ARHGEF2: variants seen among roughly 807,000 people sequenced by gnomAD.
ARHGEF2 encodes the protein rho guanine nucleotide exchange factor 2.
A neutral mutation model predicts 121.0 loss-of-function variants in ARHGEF2; 22 were observed. That is an observed-to-expected ratio of 0.18 (90% confidence interval 0.13 to 0.26). ARHGEF2 has a LOEUF of 0.26. Ranked by LOEUF, ARHGEF2 falls within the 10% of genes least tolerant of loss-of-function variation. The pLI, the probability that ARHGEF2 is intolerant of heterozygous loss-of-function variation, is 1.00. For missense variants in ARHGEF2, 907 were observed against 1,336.0 expected (o/e 0.68, Z 5.01); for synonymous variants, 487 against 530.0 (o/e 0.92, Z 1.11).
rs771445403 is a variant in ARHGEF2, at chr1:155,951,389, T to C, written c.2259+94A>G. The C allele has an allele frequency of 9.4e-6, 15 of 1,587,874 alleles. No homozygotes were observed. The highest frequency in any genetic ancestry group is 1.3e-5 in the Non-Finnish European group (15 of 1,158,764). On this transcript the variant is annotated intron_variant, in intron 19 of 21. Transcript: ENST00000361247. This position sits in a 1 kb window ranked among gnomAD's most constrained non-coding sequence, Gnocchi z 5.1. Reference sequence around the variant, plus strand: ...TGGAGAGCTTGGATTGGGAGGGTATTTAGAAAGGCCTGTTGGGATGACCAT... The same window carrying C: ...TGGAGAGCTTGGATTGGGAGGGTATCTAGAAAGGCCTGTTGGGATGACCAT...
intron 1 of ARHGEF2, chr1:155,969,637 A>T: frequency 8.7e-7 from 1 of 1,149,092 alleles, no homozygotes; most frequent in Non-Finnish European, 1.1e-6. Context: ...CTCACCCCCG[A>T]GCTGCTGTAC....
Position 155,951,212 on chromosome 1 carries a change from G to T in ARHGEF2, c.2320C>A (p.Arg774=). ...GAGTTGGCTCGGCACAGCTTCTCCC[G>T]CCGCTCAGGGCCCTCAGGGAACCGG... The part of the protein sequence containing the change: ...EARFPEGPER[R]EKLCRANSRD... Residue 774 remains arginine (R), a synonymous_variant, in exon 20 of 22, where the codon CGG becomes AGG. Coordinates refer to ENST00000361247, the MANE Select transcript of ARHGEF2 (RefSeq NM_001162383.2). The surrounding 1 kb of genome is among the most constrained non-coding windows in gnomAD (Gnocchi z 5.1). 6.2e-7 allele frequency: 1 copy of T among 1,611,030 alleles called. No individual in the cohort carries two copies.
In ARHGEF2 at chr1:155,952,794, C is replaced by T. The variant is rs776469326; in HGVS notation, c.1818G>A (p.Glu606=). ...ACAGCCCGACCTTCTCTCGCAGCAG[C>T]TCCACCAGTGCCCGGTCCTTCTGCT... ...ELQQKDRALV[E]LLREKVGLFA... Residue 606 remains glutamate, a synonymous_variant, in exon 15 of 22, where the codon GAG becomes GAA. Coordinates refer to ENST00000361247, the MANE Select transcript of ARHGEF2 (RefSeq NM_001162383.2). The T allele has an allele frequency of 6.2e-7, 1 of 1,614,212 alleles. No homozygotes were observed. Among genetic ancestry groups the T allele is most frequent in the East Asian group, 2.2e-5 (1 of 44,886 alleles).
chr1:155,966,722 G>A (rs1679454585), intron 3 of ARHGEF2, 98 bp downstream of exon 3: 8 of 1,338,352 alleles, frequency 6.0e-6, no homozygotes, highest in Non-Finnish European at 8.6e-6. Flanking sequence ...GGAGGTGGGT[G>A]GTGAGAAACA....
chr1:155,972,913 A>G (rs993315327), intron 1 of ARHGEF2, among the ~76,000 whole-genome samples: 2 of 151,912 alleles, frequency 1.3e-5, no homozygotes, highest in African/African-American at 2.4e-5. Context: ...TATGTTGCCC[A>G]GGCTGGTCTC....
chr1:155,955,046 C>T (rs2102641924), intron 13 of ARHGEF2, 77 bp from the exon 14 acceptor site: 5 of 1,224,172 alleles, frequency 4.1e-6, no homozygotes, highest in Non-Finnish European at 5.9e-6. Flanking sequence ...CCCTCCTTCC[C>T]AAACATGCCT....
Position 155,961,601 on chromosome 1 carries a change from G to A in ARHGEF2, c.1468+60C>T. 1 of 1,571,156 alleles carries A rather than the reference G, an allele frequency of 6.4e-7. No homozygotes were observed. The highest frequency in any genetic ancestry group is 1.1e-5 in the South Asian group (1 of 87,322). On this transcript the variant is annotated intron_variant, in intron 11 of 21. Coordinates refer to ENST00000361247, the MANE Select transcript of ARHGEF2 (RefSeq NM_001162383.2). This position sits in a 1 kb window ranked among gnomAD's most constrained non-coding sequence, Gnocchi z 4.7. Reference sequence around the variant, plus strand: ...AGAGAGGTTGATTCTAAGACCTGCAGGCATCTCCCACTCTCCATCTGACTT... The same window carrying A: ...AGAGAGGTTGATTCTAAGACCTGCAAGCATCTCCCACTCTCCATCTGACTT...
intron 13 of ARHGEF2, among the ~76,000 whole-genome samples, chr1:155,956,051 A>T (rs1676601153): frequency 6.6e-6 from 1 of 152,056 alleles, no homozygotes; most frequent in South Asian, 2.1e-4. Flanking sequence ...GCCACTACAG[A>T]TCTGTCAACA....
Position 155,950,678 on chromosome 1 carries a change from T to C in ARHGEF2, c.2703+151A>G. ...CCTCCACCCCTGCACCCATCTACAT[T>C]TCTTTTCAGTTCTCCAACCAGTATC... On this transcript the variant is annotated intron_variant, in intron 20 of 21. Coordinates refer to ENST00000361247, the MANE Select transcript of ARHGEF2 (RefSeq NM_001162383.2). The surrounding 1 kb of genome is among the most constrained non-coding windows in gnomAD (Gnocchi z 5.2). 3.0e-6 allele frequency: 3 copies of C among 1,004,172 alleles called. No individual in the cohort carries two copies. The highest frequency in any genetic ancestry group is 4.4e-6 in the Non-Finnish European group (3 of 680,340). 62.2% of individuals were successfully genotyped at this position (1,004,172 alleles called of 1,614,324 possible).
intron 11 of ARHGEF2, among the ~76,000 whole-genome samples, chr1:155,958,709 G>A (rs1677211396): frequency 1.3e-5 from 2 of 151,560 alleles, no homozygotes; most frequent in Non-Finnish European, 2.9e-5. Flanking sequence ...CCAAGGAGCT[G>A]GGACTACTAC....
intron 1 of ARHGEF2, among the ~76,000 whole-genome samples, chr1:155,975,132 T>G (rs991457099): frequency 6.6e-6 from 1 of 152,162 alleles, no homozygotes; most frequent in African/African-American, 2.4e-5. Flanking sequence ...AAGCTAAGGA[T>G]GAAGCTACTT....
chr1:155,964,883 A>G, intron 7 of ARHGEF2, 105 bp downstream of exon 7: 1 of 1,262,534 alleles, frequency 7.9e-7, no homozygotes. Context: ...AGAGAGTGAG[A>G]CTCCATCTCA....
At position 155,957,704 on chromosome 1, in the gene ARHGEF2, G is replaced by C; in HGVS notation, c.1715+9C>G. 1 of 1,605,392 alleles carries C rather than the reference G, an allele frequency of 6.2e-7. No individual in the cohort carries two copies. Among genetic ancestry groups the C allele is most frequent in the East Asian group, 2.2e-5 (1 of 44,682 alleles). ...CATAAGCACATGCAGGCGGCAGGCA[G>C]ACACTCACGTGCGCACGCTCTGCTG... is the stretch of plus-strand genomic sequence containing the variant. On this transcript the variant is annotated intron_variant, in intron 13 of 21. Transcript: ENST00000361247.
chr1:155,947,749 G>A lies in ARHGEF2; in HGVS notation c.*193C>T, dbSNP rs1383786273. On this transcript the variant is annotated 3_prime_UTR_variant, in exon 22 of 22. Transcript: ENST00000361247. ...GGCATCTGTGGTGTAGCTTTCGGAT[G>A]TCCCAGGGGGTGTTGTGGCCTAATT... 5 of 546,146 alleles carry A rather than the reference G, an allele frequency of 9.2e-6. No individual in the cohort carries two copies. In the Admixed American group the frequency reaches 1.7e-4, roughly 18 times the overall value. 33.8% of individuals were successfully genotyped at this position (546,146 alleles called of 1,614,324 possible).
Position 155,962,255 on chromosome 1 carries a change from G to A in ARHGEF2, c.1102-33C>T. 6.3e-7 allele frequency: 1 copy of A among 1,599,908 alleles called. No individual in the cohort carries two copies. The highest frequency in any genetic ancestry group is 2.2e-5 in the East Asian group (1 of 44,678). ...GGAGGAGGCAGGGCTCAGGGCCAGA[G>A]GGGAGGGCAACAGAAAGGCCTGGGG... On this transcript the variant is annotated intron_variant, in intron 9 of 21. Transcript: ENST00000361247. This position sits in a 1 kb window ranked among gnomAD's most constrained non-coding sequence, Gnocchi z 5.8.
chr1:155,963,010 G>A lies in ARHGEF2; in HGVS notation c.898C>T (p.Arg300Cys), dbSNP rs368861968. The A allele has an allele frequency of 9.9e-6, 16 of 1,614,062 alleles. No homozygotes were observed. Among genetic ancestry groups the A allele is most frequent in the East Asian group, 2.2e-5 (1 of 44,888 alleles). The part of the protein sequence containing the change: ...HTRFLSQLLE[R>C]RRQALCPGST... ...CCAGGGCACAGGGCCTGGCGTCGGC[G>A]TTCTAATAGCTGGCTGAGGAAGCGT... Residue 300 changes from arginine to cysteine, a missense_variant, in exon 8 of 22, where the codon CGC becomes TGC. Arg to Cys is a radical substitution (Grantham distance 180, BLOSUM62 -3). Coordinates refer to ENST00000361247, the MANE Select transcript of ARHGEF2 (RefSeq NM_001162383.2).
chr1:155,970,603 T>C lies in ARHGEF2; in HGVS notation c.64-1303A>G. Reference sequence around the variant, plus strand: ...CTGGACTGGGGACAGAGGATTACAGTTCAGCGGGAAGCACTCAGCCCGGAC... The same window carrying C: ...CTGGACTGGGGACAGAGGATTACAGCTCAGCGGGAAGCACTCAGCCCGGAC... On this transcript the variant is annotated intron_variant, in intron 1 of 21. Transcript: ENST00000361247. 10 of 985,298 alleles carry C rather than the reference T, an allele frequency of 1.0e-5. 1 individual carries two copies. In the South Asian group the frequency reaches 2.8e-4, roughly 28 times the overall value. 61.0% of individuals were successfully genotyped at this position (985,298 alleles called of 1,614,324 possible).
At position 155,952,055 on chromosome 1, in the gene ARHGEF2, A is replaced by G. The variant is rs1018450238; in HGVS notation, c.2104+61T>C. ...GCCCTGATACCACTTGATCCCTGGTACCACTCTACTAACTTTGGCCCCTCC... is the reference window on the plus strand; with the variant it reads ...GCCCTGATACCACTTGATCCCTGGTGCCACTCTACTAACTTTGGCCCCTCC... On this transcript the variant is annotated intron_variant, in intron 16 of 21. Coordinates refer to ENST00000361247, the MANE Select transcript of ARHGEF2 (RefSeq NM_001162383.2). The G allele has an allele frequency of 4.3e-6, 7 of 1,613,928 alleles. No individual in the cohort carries two copies. In the African/African-American group the frequency reaches 9.3e-5, roughly 22 times the overall value.
intron 14 of ARHGEF2, 116 bp from the exon 15 acceptor site, chr1:155,952,944 G>T: frequency 1.1e-6 from 1 of 932,900 alleles, no homozygotes; most frequent in Non-Finnish European, 1.6e-6. Flanking sequence ...ACTTAATTTT[G>T]TTATTTTGGC....
Sources: gnomAD v4.1 joint callset for allele counts (sites outside exome capture counted in the v4.1 genomes callset) on GRCh38, gnomAD v4.1.1 for gene constraint, Gnocchi (gnomAD v3.1) non-coding constraint, MANE v1.5 for transcripts, NCBI Gene and HGNC (gene_info 2026-07-23, HGNC 2026-07-21) for gene names.